Variants in MTA1 observed in about 807,000 individuals in gnomAD.
MTA1 encodes the protein metastasis-associated protein MTA1.
In MTA1, 15 loss-of-function variants were observed where a neutral mutation model predicts 97.0. That is an observed-to-expected ratio of 0.15 (90% CI 0.10 to 0.24). The LOEUF (loss-of-function observed/expected upper bound fraction) is 0.24. MTA1 is among the 10% of genes least tolerant of loss of function. MTA1 has a pLI of 1.00. For missense variants in MTA1, 709 were observed against 1,015.1 expected, an observed-to-expected ratio of 0.70 and a Z score of 4.10; for synonymous variants, 435 against 417.5, an observed-to-expected ratio of 1.04 and a Z score of -0.51.
intron 6 of MTA1, among the ~76,000 whole-genome samples, chr14:105,450,906 C>T (rs1037452263): frequency 3.9e-5 from 6 of 152,174 alleles, no homozygotes; most frequent in South Asian, 4.1e-4. Flanking sequence ...TGAGATCCAG[C>T]GAACGGGAGG....
rs371629072 is a variant in MTA1 at position 105,426,594 on chromosome 14, GAC to G, written c.28+6535_28+6536del. On this transcript the variant is annotated intron_variant, in intron 1 of 20. Transcript: ENST00000331320. ...CGTGTTCTGTCCCATTCCTCCAGGA[GAC>G]ACAGTGCCTGGGCCATCTGGCCACT... is the stretch of plus-strand genomic sequence containing the variant. Among the ~76,000 whole-genome samples the G allele has an allele frequency of 3.3e-4, 50 of 152,298 alleles. No homozygotes were observed. The South Asian group carries it at 4.3e-3, about 13-fold the overall frequency.
chr14:105,420,548 C>T lies in MTA1; in HGVS notation c.28+485C>T, dbSNP rs1367252404. 1.3e-5 allele frequency among the ~76,000 whole-genome samples: 2 copies of T among 152,166 alleles called. No individual in the cohort carries two copies. Among genetic ancestry groups the T allele is most frequent in the Non-Finnish European group, 2.9e-5 (2 of 67,998 alleles). On this transcript the variant is annotated intron_variant, in intron 1 of 20. Coordinates refer to ENST00000331320, the MANE Select transcript of MTA1 (RefSeq NM_004689.4). This position sits in a 1 kb window ranked among gnomAD's most constrained non-coding sequence, Gnocchi z 5.3. The stretch of plus-strand genomic sequence containing the variant: ...GAGGGGCCACGTTCCTCCCTAGAGC[C>T]CTCCTGCAGCCTGGCCCCGGGGCTT...
chr14:105,469,055 C>T, intron 18 of MTA1: 1 of 419,456 alleles, frequency 2.4e-6, no homozygotes, highest in South Asian at 1.7e-5. Context: ...AAAAGCCCGG[C>T]CTCCTGGTGG....
rs1469923033 is a variant in MTA1, at chr14:105,420,201, A to G, written c.28+138A>G. The G allele has an allele frequency of 2.9e-6, 1 of 341,480 alleles. No individual in the cohort carries two copies. Among genetic ancestry groups the G allele is most frequent in the Non-Finnish European group, 4.1e-6 (1 of 243,008 alleles). 21.2% of individuals were successfully genotyped at this position (341,480 alleles called of 1,614,324 possible). ...CTCGCGGCCCCCGGCTCCTTCCCGAACCGCCCCCCGCCGTGCTCACCCCAA... is the reference window on the plus strand; with the variant it reads ...CTCGCGGCCCCCGGCTCCTTCCCGAGCCGCCCCCCGCCGTGCTCACCCCAA... On this transcript the variant is annotated intron_variant, in intron 1 of 20. Transcript: ENST00000331320. The surrounding 1 kb of genome is among the most constrained non-coding windows in gnomAD (Gnocchi z 5.3).
chr14:105,467,658 A>G (rs782057890), intron 18 of MTA1: 2 of 364,014 alleles, frequency 5.5e-6, no homozygotes. Flanking sequence ...TCTCGGCCCC[A>G]GCCCCAGCCC....
In MTA1 at chr14:105,450,247, T is replaced by A; in HGVS notation, c.369-14T>A. 1 of 1,609,388 alleles carries A rather than the reference T, an allele frequency of 6.2e-7. No individual in the cohort carries two copies. Among genetic ancestry groups the A allele is most frequent in the Non-Finnish European group, 8.5e-7 (1 of 1,176,842 alleles). On this transcript the variant is annotated splice_polypyrimidine_tract_variant and intron_variant, in intron 5 of 20. Transcript: ENST00000331320. ...TGCCCTCGCCTTTCCAGCCTGCCCG[T>A]CCTTCTCTTCCAGGGGCAAGTGCAG...
In MTA1 at chr14:105,463,436, C is replaced by T; in HGVS notation, c.1018-57C>T. ...CTCCGTAGCCTCCAGCCTGTCTGCA[C>T]TGCAGCCCCAACCTGGGCCTAGCCT... On this transcript the variant is annotated intron_variant, in intron 11 of 20. Transcript: ENST00000331320. This position sits in a 1 kb window ranked among gnomAD's most constrained non-coding sequence, Gnocchi z 5.9. The T allele has an allele frequency of 6.3e-7, 1 of 1,592,710 alleles. No individual in the cohort carries two copies.
At position 105,464,567 on chromosome 14, in the gene MTA1, G is replaced by A. The variant is rs1555431968; in HGVS notation, c.1344G>A (p.Met448Ile). 1.2e-6 allele frequency: 2 copies of A among 1,612,700 alleles called. No homozygotes were observed. Among genetic ancestry groups the A allele is most frequent in the Non-Finnish European group, 1.7e-6 (2 of 1,179,868 alleles). ...GGCCAGGACCAAACCGCAGTAACAT[G>A]GTAAGGGGGGGGACACCCGCCCTGC... ...GERPGPNRSN[M>I]SPHGLPARSS... The change falls in exon 14 of 21, where the codon ATG (methionine) becomes ATA (isoleucine). Residue 448 changes from methionine (M) to isoleucine (I), a missense_variant and splice_region_variant. Met to Ile is a conservative substitution (Grantham distance 10). Around this residue, in one of 2 missense-constraint regions of MTA1, gnomAD observed 388 missense variants for 421.6 expected, o/e 0.92. Coordinates refer to ENST00000331320, the MANE Select transcript of MTA1 (RefSeq NM_004689.4).
In MTA1 at chr14:105,464,859, CG is replaced by C. The variant is rs782787718; in HGVS notation, c.1531del (p.Glu511SerfsTer16). ...CCATCAACAGCGCGGCCATCAAGGCCGAGTGTGAGTCACCCCAACGCCCCGC... is the reference window on the plus strand; with the variant it reads ...CCATCAACAGCGCGGCCATCAAGGCCAGTGTGAGTCACCCCAACGCCCCGC... ...LPINSAAIKA[E>X]CTARLPEASQ... On this transcript the variant is annotated frameshift_variant, in exon 15 of 21. Transcript: ENST00000331320. LOFTEE classifies it high-confidence loss of function. The C allele has an allele frequency of 6.4e-7, 1 of 1,570,128 alleles. No individual in the cohort carries two copies. Among genetic ancestry groups the C allele is most frequent in the South Asian group, 1.1e-5 (1 of 87,896 alleles).
intron 18 of MTA1, 43 bp downstream of exon 18, chr14:105,466,785 C>G: frequency 6.5e-7 from 1 of 1,548,034 alleles, no homozygotes; most frequent in Non-Finnish European, 8.7e-7. Context: ...CGGCCCCGCC[C>G]GTGATGCCTG....
At position 105,465,363 on chromosome 14, in the gene MTA1, A is replaced by AC. The variant is rs1303167745; in HGVS notation, c.1624+183dup. On this transcript the variant is annotated intron_variant, in intron 16 of 20. Coordinates refer to ENST00000331320, the MANE Select transcript of MTA1 (RefSeq NM_004689.4). ...GCCAGGCTCAGGCAGACCCACTGGG[A>AC]CCCAGGCTGCTCCCTGCTCCTGGGG... is the stretch of plus-strand genomic sequence containing the variant. 6 of 444,476 alleles carry AC rather than the reference A, an allele frequency of 1.3e-5. No homozygotes were observed. In the East Asian group the frequency reaches 1.8e-4, roughly 13 times the overall value. 27.5% of individuals were successfully genotyped at this position (444,476 alleles called of 1,614,324 possible).
At chr14:105,445,547 G>T (rs781880604) in intron 3 of MTA1, 36 bp downstream of exon 3, 62 of 1,609,376 alleles carry the variant, frequency 3.9e-5, no homozygotes, top group Non-Finnish European at 4.8e-5. Flanking sequence ...CCGCCTGGCG[G>T]GAGGGTCGGC....
intron 1 of MTA1, among the ~76,000 whole-genome samples, chr14:105,433,056 A>G (rs1269465811): frequency 6.6e-6 from 1 of 152,204 alleles, no homozygotes; most frequent in Non-Finnish European, 1.5e-5. Flanking sequence ...ACTAGGACTC[A>G]TGGAATACAG....
Position 105,466,424 on chromosome 14 carries a change from A to G in MTA1, c.1625-2A>G. The G allele has an allele frequency of 6.5e-6, 10 of 1,550,232 alleles. No homozygotes were observed. The highest frequency in any genetic ancestry group is 1.4e-5 in the African/African-American group (1 of 73,528). On this transcript the variant is annotated splice_acceptor_variant, in intron 16 of 20. Transcript: ENST00000331320. LOFTEE classifies it high-confidence loss of function. ...TCGTTCTGCCTGTGTCATTCCCGGC[A>G]GAGACCCACCCCCGCCCCCCCAAGC...
chr14:105,462,272 C>T (rs1457657020), intron 10 of MTA1, among the ~76,000 whole-genome samples: 3 of 152,182 alleles, frequency 2.0e-5, no homozygotes, highest in Non-Finnish European at 4.4e-5. Context: ...AGACAGGTTT[C>T]TTAAATCCAT....
At chr14:105,466,876 A>C (rs1349937817) in intron 18 of MTA1, 134 bp downstream of exon 18, 12 of 863,988 alleles carry the variant, frequency 1.4e-5, no homozygotes. Context: ...GCCACAGCCC[A>C]GTTCCCCACA....
At chr14:105,449,965 C>G in intron 4 of MTA1, 93 bp from the exon 5 acceptor site, 1 of 1,567,924 alleles carries the variant, frequency 6.4e-7, no homozygotes, top group East Asian at 2.3e-5. Flanking sequence ...ACTGGGCCTC[C>G]TGCGTGCTGG....
At chr14:105,449,497 C>A in intron 4 of MTA1, 88 bp downstream of exon 4, 1 of 1,442,380 alleles carries the variant, frequency 6.9e-7, no homozygotes, top group Non-Finnish European at 9.5e-7. Context: ...AGAGTTTGGG[C>A]GGGCCGCCTG....
rs587660424 is a variant in MTA1, at chr14:105,464,475, G to A, written c.1252G>A (p.Ala418Thr). 1.4e-5 allele frequency: 23 copies of A among 1,613,502 alleles called. No individual in the cohort carries two copies. Among genetic ancestry groups the A allele is most frequent in the African/African-American group, 5.3e-5 (4 of 74,906 alleles). Reference protein sequence around the residue: ...GPPNMQCRLCASCWTYWKKYG... With the variant: ...GPPNMQCRLCTSCWTYWKKYG... Reference sequence around the variant, plus strand: ...CCCTAACATGCAGTGTCGTCTCTGCGCATCTTGTTGGACATATTGGAAGAA... The same window carrying A: ...CCCTAACATGCAGTGTCGTCTCTGCACATCTTGTTGGACATATTGGAAGAA... Residue 418 changes from alanine (A) to threonine (T), a missense_variant, in exon 14 of 21, where the codon GCA (alanine) becomes ACA (threonine). By Grantham distance (58) the Ala-to-Thr change is moderately conservative. Coordinates refer to ENST00000331320, the MANE Select transcript of MTA1 (RefSeq NM_004689.4).
Sources: gnomAD v4.1 joint callset for allele counts (sites outside exome capture counted in the v4.1 genomes callset) on GRCh38, gnomAD v4.1.1 for gene constraint, gnomAD v4.1.1 regional missense constraint, Gnocchi (gnomAD v3.1) non-coding constraint, MANE v1.5 for transcripts, NCBI Gene and HGNC (gene_info 2026-07-23, HGNC 2026-07-21) for gene names.